EPS15L1: variants seen among roughly 807,000 people sequenced by gnomAD.
EPS15L1 encodes epidermal growth factor receptor pathway substrate 15 like 1.
In EPS15L1, 43 loss-of-function variants were observed where a neutral mutation model predicts 117.1. The ratio of observed to expected loss-of-function variants is 0.37; its 90% confidence interval spans 0.29 to 0.47. The LOEUF is 0.47. Among genes scored for constraint, EPS15L1 ranks in the 20% least tolerant of loss-of-function variants. The probability of loss-of-function intolerance (pLI) is 0.99; values close to 1 mark genes in which losing one functional copy is unlikely to be tolerated. For missense variants in EPS15L1, 981 were observed against 1,164.0 expected, an observed-to-expected ratio of 0.84 and a Z score of 2.29; for synonymous variants, 459 against 470.5, an observed-to-expected ratio of 0.98 and a Z score of 0.32.
intron 19 of EPS15L1, among the ~76,000 whole-genome samples, chr19:16,390,694 C>T (rs1286265275): frequency 1.3e-5 from 2 of 151,948 alleles, no homozygotes; most frequent in Non-Finnish European, 2.9e-5. Context: ...TTATAATATA[C>T]CTAGGAGAAA....
chr19:16,402,833 C>T (rs2092616255), intron 15 of EPS15L1, among the ~76,000 whole-genome samples: 3 of 152,144 alleles, frequency 2.0e-5, no homozygotes, highest in Admixed American at 2.0e-4. Context: ...GATCCTCTTG[C>T]CTCAGCCTCC....
In EPS15L1 at chr19:16,418,011, G is replaced by A. The variant is rs754247838; in HGVS notation, c.1044C>T (p.Ile348=). 9 of 1,614,104 alleles carry A rather than the reference G, an allele frequency of 5.6e-6. No homozygotes were observed. The highest frequency in any genetic ancestry group is 3.3e-5 in the Admixed American group (2 of 60,004). The change falls in exon 11 of 24, where the codon ATC becomes ATT. Residue 348 remains isoleucine (I), a synonymous_variant. Transcript: ENST00000455140. The part of the protein sequence containing the change: ...YFIQQKVSKG[I]DPPQVLSPDM... The stretch of plus-strand genomic sequence containing the variant: ...CCGGCGAGAGGACTTGAGGAGGGTC[G>A]ATGCCTTTACTGACCTTCTGCTGAA...
At chr19:16,402,760 T>A (rs1272285034) in intron 15 of EPS15L1, among the ~76,000 whole-genome samples, 1 of 151,958 alleles carries the variant, frequency 6.6e-6, no homozygotes, top group Admixed American at 6.6e-5. Flanking sequence ...AAATTCTGTA[T>A]TTTTTGTAGA....
At chr19:16,406,242 C>T (rs1299267141) in intron 13 of EPS15L1, among the ~76,000 whole-genome samples, 2 of 152,188 alleles carry the variant, frequency 1.3e-5, no homozygotes, top group African/African-American at 4.8e-5. Flanking sequence ...AAGCTGGGGT[C>T]TCCGTTCCCC....
At chr19:16,466,874 T>G (rs1200911368) in intron 1 of EPS15L1, among the ~76,000 whole-genome samples, 1 of 146,694 alleles carries the variant, frequency 6.8e-6, no homozygotes, top group Non-Finnish European at 1.5e-5. Context: ...TTGCACTCCA[T>G]CCTGGGTGAC....
chr19:16,395,308 G>A (rs1187735120), intron 17 of EPS15L1, 36 bp downstream of exon 17: 2 of 1,600,050 alleles, frequency 1.2e-6, no homozygotes, highest in Admixed American at 3.4e-5. Context: ...AAAACACACA[G>A]TCTTTCAATG....
At chr19:16,413,258 C>T in intron 13 of EPS15L1, 2 of 646,306 alleles carry the variant, frequency 3.1e-6, no homozygotes, top group Admixed American at 4.4e-5. Flanking sequence ...CAGGCCACTG[C>T]AACTCTGTGC....
chr19:16,423,834 G>A (rs909761826), intron 9 of EPS15L1, among the ~76,000 whole-genome samples: 4 of 152,128 alleles, frequency 2.6e-5, no homozygotes, highest in East Asian at 1.9e-4. Flanking sequence ...GAGCTGTGGC[G>A]GGACACAGAA....
chr19:16,453,149 G>C (rs536967465), intron 1 of EPS15L1, among the ~76,000 whole-genome samples: 70 of 152,220 alleles, frequency 4.6e-4, no homozygotes, highest in African/African-American at 1.6e-3. Flanking sequence ...ACCCAGGCTA[G>C]AGTACAGTGG....
At chr19:16,377,064 G>A (rs999761936) in intron 22 of EPS15L1, 58 bp downstream of exon 22, 2 of 1,539,362 alleles carry the variant, frequency 1.3e-6, no homozygotes, top group African/African-American at 2.8e-5. Flanking sequence ...GGGAGGCCCT[G>A]GTCCCCCGCC....
At chr19:16,453,564 T>A (rs1425745159) in intron 1 of EPS15L1, among the ~76,000 whole-genome samples, 9 of 151,960 alleles carry the variant, frequency 5.9e-5, no homozygotes, top group Admixed American at 5.9e-4. Context: ...ATACAAAAAA[T>A]TAGCCCAGCG....
rs1277796126 is a variant in EPS15L1 at position 16,417,924 on chromosome 19, C to G, written c.1107+24G>C. The G allele has an allele frequency of 2.5e-6, 4 of 1,604,518 alleles. No homozygotes were observed. In the South Asian group the frequency reaches 3.3e-5, roughly 13 times the overall value. On this transcript the variant is annotated intron_variant, in intron 11 of 23. Coordinates refer to ENST00000455140, the MANE Select transcript of EPS15L1 (RefSeq NM_001258374.3). ...CGGTGGGAAGGGATGTCAATACCCCCAGGGCATGACCAGCACCACTCACCG... is the reference window on the plus strand; with the variant it reads ...CGGTGGGAAGGGATGTCAATACCCCGAGGGCATGACCAGCACCACTCACCG...
chr19:16,400,750 A>T, intron 16 of EPS15L1: 1 of 985,462 alleles, frequency 1.0e-6, no homozygotes, highest in Non-Finnish European at 1.2e-6. Flanking sequence ...TGTCTCAGGT[A>T]ACCTTTGCCC....
intron 1 of EPS15L1, among the ~76,000 whole-genome samples, chr19:16,459,174 T>C (rs116799462): frequency 1.4e-3 from 208 of 152,346 alleles, no homozygotes; most frequent in African/African-American, 4.7e-3. Context: ...CAGTCCATCA[T>C]GGTTATGCGG....
At chr19:16,425,724 G>A (rs936415500) in intron 8 of EPS15L1, among the ~76,000 whole-genome samples, 12 of 152,150 alleles carry the variant, frequency 7.9e-5, no homozygotes, top group African/African-American at 2.4e-4. Flanking sequence ...AGGATTGCCT[G>A]AGCCCAGGAG....
chr19:16,413,333 G>T (rs2092725618), intron 13 of EPS15L1: 1 of 685,598 alleles, frequency 1.5e-6, no homozygotes, highest in Non-Finnish European at 2.6e-6. Context: ...CCAAGAAGCT[G>T]CTCATGATGG....
At chr19:16,437,535 T>C (rs934742533) in intron 5 of EPS15L1, among the ~76,000 whole-genome samples, 12 of 152,128 alleles carry the variant, frequency 7.9e-5, no homozygotes, top group Admixed American at 5.2e-4. Flanking sequence ...TGCGGAGGGA[T>C]GAAAAAGTTC....
chr19:16,428,330 G>T (rs1459602582), intron 8 of EPS15L1, among the ~76,000 whole-genome samples: 1 of 151,538 alleles, frequency 6.6e-6, no homozygotes, highest in Non-Finnish European at 1.5e-5. Context: ...GCCAAGATCG[G>T]GCCACTGAAT....
intron 10 of EPS15L1, among the ~76,000 whole-genome samples, chr19:16,418,945 T>TTTGTCA (rs2092787725): frequency 6.6e-6 from 1 of 152,196 alleles, no homozygotes; most frequent in African/African-American, 2.4e-5. Context: ...TCTATGGCAC[T>TTTGTCA]TTGTCACAGC....
Sources: allele counts gnomAD v4.1 joint callset (sites outside exome capture counted in the v4.1 genomes callset), GRCh38; gene constraint gnomAD v4.1.1; transcripts MANE v1.5; gene names NCBI Gene and HGNC (gene_info 2026-07-23, HGNC 2026-07-21).